Variants in SFMBT1 observed in about 807,000 individuals in gnomAD.
The protein encoded by SFMBT1 is scm-like with four MBT domains protein 1.
A neutral mutation model predicts 108.7 loss-of-function variants in SFMBT1; 32 were observed. That is an observed-to-expected ratio of 0.29 (90% confidence interval 0.22 to 0.40). SFMBT1 has a LOEUF of 0.40. Among genes scored for constraint, SFMBT1 ranks in the 10% least tolerant of loss-of-function variants. The pLI is 1.00. For synonymous variants in SFMBT1, 348 were observed against 369.5 expected (o/e 0.94, Z 0.67); for missense variants, 816 against 1,059.6 (o/e 0.77, Z 3.19).
rs972046532 is a variant in SFMBT1, at chr3:52,998,802, C to T, written c.-130-29544G>A. ...ACCCTGGGGAGCTGGTGCTGCCGAT[C>T]GACCTGACTGGCCCACAACGTCTTC... On this transcript the variant is annotated intron_variant, in intron 1 of 20. Transcript: ENST00000394752. 2.0e-5 allele frequency among the ~76,000 whole-genome samples: 3 copies of T among 150,736 alleles called. No individual in the cohort carries two copies. The Admixed American group carries it at 2.0e-4, about 10-fold the overall frequency.
At chr3:52,953,524 G>C (rs564799328) in intron 3 of SFMBT1, among the ~76,000 whole-genome samples, 3 of 152,024 alleles carry the variant, frequency 2.0e-5, no homozygotes, top group Non-Finnish European at 4.4e-5. Context: ...TCATTACACA[G>C]GGCAAATATG....
chr3:52,987,312 G>T (rs146796379), intron 1 of SFMBT1, among the ~76,000 whole-genome samples: 2 of 152,260 alleles, frequency 1.3e-5, no homozygotes, highest in African/African-American at 4.8e-5. Context: ...ATTATGTACT[G>T]TACATAACTG....
At chr3:52,967,247 AT>A (rs1191631704) in intron 2 of SFMBT1, among the ~76,000 whole-genome samples, 5 of 152,200 alleles carry the variant, frequency 3.3e-5, no homozygotes, top group African/African-American at 1.2e-4. Flanking sequence ...TAAGGCCAAA[AT>A]TTTTAAAAAT....
chr3:53,005,405 G>A (rs559647212), intron 1 of SFMBT1, among the ~76,000 whole-genome samples: 8 of 152,272 alleles, frequency 5.3e-5, no homozygotes, highest in Admixed American at 3.9e-4. Flanking sequence ...AAACTCCTGG[G>A]CCCAAATGAT....
chr3:52,984,782 T>A (rs1704848401), intron 1 of SFMBT1, among the ~76,000 whole-genome samples: 1 of 147,442 alleles, frequency 6.8e-6, no homozygotes, highest in South Asian at 2.2e-4. Context: ...ATTCATACTA[T>A]AATGATTCAT....
rs1423099902 is a variant in SFMBT1 at position 53,036,022 on chromosome 3, T to C, written c.-131+9794A>G. Among the ~76,000 whole-genome samples the C allele has an allele frequency of 2.0e-5, 3 of 152,252 alleles. No individual in the cohort carries two copies. The East Asian group carries it at 5.8e-4, about 29-fold the overall frequency. On this transcript the variant is annotated intron_variant, in intron 1 of 20. Coordinates refer to ENST00000394752, the MANE Select transcript of SFMBT1 (RefSeq NM_016329.4). ...CCTTTTCCTTGGCAAGGTTCATCAC[T>C]GGCACTAGTTTTACATTTATCAGTC...
At chr3:52,951,451 T>C (rs1469167019) in intron 3 of SFMBT1, among the ~76,000 whole-genome samples, 1 of 151,570 alleles carries the variant, frequency 6.6e-6, no homozygotes, top group African/African-American at 2.4e-5. Context: ...CATTTTGCTC[T>C]TGTTGCCCAG....
chr3:52,906,038 A>T, intron 20 of SFMBT1, 75 bp downstream of exon 20: 1 of 1,513,548 alleles, frequency 6.6e-7, no homozygotes, highest in Non-Finnish European at 9.0e-7. Flanking sequence ...AAACTTGTAA[A>T]TAAATTGTTG....
chr3:52,967,356 A>C (rs542565706), intron 2 of SFMBT1, among the ~76,000 whole-genome samples: 10 of 152,342 alleles, frequency 6.6e-5, no homozygotes, highest in Non-Finnish European at 1.3e-4. Context: ...ATGTTAATAA[A>C]AGAAAGCTGG....
chr3:52,992,550 T>C (rs1201183099), intron 1 of SFMBT1, among the ~76,000 whole-genome samples: 1 of 152,176 alleles, frequency 6.6e-6, no homozygotes, highest in Non-Finnish European at 1.5e-5. Flanking sequence ...AAACAGGTCA[T>C]GGGTAAATCT....
At chr3:52,911,494 G>C (rs1196711778) in intron 16 of SFMBT1, among the ~76,000 whole-genome samples, 4 of 152,152 alleles carry the variant, frequency 2.6e-5, no homozygotes, top group Non-Finnish European at 5.9e-5. Flanking sequence ...TTTTCACTAA[G>C]TCTTTCTTTA....
chr3:52,912,528 G>C lies in SFMBT1; in HGVS notation c.1730+10C>G. 1 of 1,605,990 alleles carries C rather than the reference G, an allele frequency of 6.2e-7. No homozygotes were observed. ...TAAAAGTAAAGAGTAAAAACAAGTA[G>C]TCCACTCACTTGGCTTTTAGGACTT... On this transcript the variant is annotated intron_variant, in intron 16 of 20. Coordinates refer to ENST00000394752, the MANE Select transcript of SFMBT1 (RefSeq NM_016329.4).
intron 1 of SFMBT1, among the ~76,000 whole-genome samples, chr3:53,028,999 C>T (rs1384496343): frequency 2.0e-5 from 3 of 151,794 alleles, no homozygotes; most frequent in Non-Finnish European, 4.4e-5. Flanking sequence ...GGTGAAACCC[C>T]GTCTCTTCTA....
chr3:52,938,897 G>C (rs764478025), intron 4 of SFMBT1, among the ~76,000 whole-genome samples: 4 of 152,142 alleles, frequency 2.6e-5, no homozygotes, highest in Non-Finnish European at 5.9e-5. Flanking sequence ...GGACGCCTTA[G>C]GAAGGGCTCA....
rs1334320903 is a variant in SFMBT1 at position 53,001,923 on chromosome 3, T to TCACA, written c.-130-32666_-130-32665insTGTG. ...CTGGGCAACAGAGCAAGACCCAGTC[T>TCACA]CTCACACACACACACACACACACAC... On this transcript the variant is annotated intron_variant, in intron 1 of 20. Transcript: ENST00000394752. Among the ~76,000 whole-genome samples the TCACA allele has an allele frequency of 7.0e-4, 47 of 67,030 alleles. 3 individuals carry two copies. The highest frequency in any genetic ancestry group is 7.0e-4 in the Non-Finnish European group (22 of 31,460). 44.0% of individuals were successfully genotyped at this position (67,030 alleles called of 152,430 possible).
chr3:53,003,763 A>AG (rs1698639856), intron 1 of SFMBT1, among the ~76,000 whole-genome samples: 1 of 124,034 alleles, frequency 8.1e-6, no homozygotes, highest in Non-Finnish European at 1.7e-5. Context: ...AAAGGTCAAA[A>AG]AAAAAAAAAA....
At chr3:53,027,613 C>G (rs1469412658) in intron 1 of SFMBT1, among the ~76,000 whole-genome samples, 2 of 152,210 alleles carry the variant, frequency 1.3e-5, no homozygotes, top group African/African-American at 4.8e-5. Context: ...TGATTCAGTG[C>G]CTACCATCTG....
chr3:53,001,937 A>T lies in SFMBT1; in HGVS notation c.-130-32679T>A, dbSNP rs1055144770. ...AAGACCCAGTCTCTCACACACACAC[A>T]CACACACACACACACACACACACAC... On this transcript the variant is annotated intron_variant, in intron 1 of 20. Coordinates refer to ENST00000394752, the MANE Select transcript of SFMBT1 (RefSeq NM_016329.4). Among the ~76,000 whole-genome samples, 41 of 139,656 alleles carry T rather than the reference A, an allele frequency of 2.9e-4. 2 individuals are homozygous for T. Among genetic ancestry groups the T allele is most frequent in the Middle Eastern group, 3.5e-3 (1 of 288 alleles). The allele number at this position is 139,656 out of a possible 152,430, so 91.6% of individuals were successfully genotyped here. A position where few individuals can be genotyped will look rare whatever the true frequency, so the allele number is the denominator to read the frequency against.
intron 13 of SFMBT1, among the ~76,000 whole-genome samples, chr3:52,917,131 C>G (rs1351816250): frequency 6.6e-6 from 1 of 152,096 alleles, no homozygotes; most frequent in Non-Finnish European, 1.5e-5. Flanking sequence ...CCTCACTTCT[C>G]TACTTGGTAT....
Sources: allele counts gnomAD v4.1 joint callset (sites outside exome capture counted in the v4.1 genomes callset), GRCh38; gene constraint gnomAD v4.1.1; transcripts MANE v1.5; gene names NCBI Gene and HGNC (gene_info 2026-07-23, HGNC 2026-07-21).